ZFP64: variants seen among roughly 807,000 people sequenced by gnomAD.
The protein encoded by ZFP64 is ZFP64 zinc finger protein, also known as zinc finger protein 64.
In ZFP64, 14 loss-of-function variants were observed where a neutral mutation model predicts 51.6. The observed-to-expected ratio is 0.27, with a 90% CI of 0.18 to 0.42. The LOEUF (loss-of-function observed/expected upper bound fraction) is 0.42, where lower values mean the gene tolerates loss of function less well. Ranked by LOEUF, ZFP64 falls within the 10% of genes least tolerant of loss-of-function variation. ZFP64 has a pLI of 1.00. For synonymous variants in ZFP64, 375 were observed against 361.4 expected, an observed-to-expected ratio of 1.04 and a Z score of -0.43; for missense variants, 754 against 906.8, an observed-to-expected ratio of 0.83 and a Z score of 2.16.
intron 5 of ZFP64, among the ~76,000 whole-genome samples, chr20:52,132,697 G>A (rs1170191822): frequency 1.3e-5 from 2 of 152,168 alleles, no homozygotes; most frequent in South Asian, 2.1e-4. Flanking sequence ...AACAAGTAAC[G>A]AGATCAAAAC....
At chr20:52,165,223 T>A in intron 3 of ZFP64, 1 of 456,676 alleles carries the variant, frequency 2.2e-6, no homozygotes, top group Non-Finnish European at 4.4e-6. Context: ...CTAAGGTCAG[T>A]AGGTTAGATA....
intron 2 of ZFP64, among the ~76,000 whole-genome samples, chr20:52,182,101 C>T (rs755587992): frequency 7.9e-5 from 12 of 152,268 alleles, no homozygotes; most frequent in African/African-American, 2.2e-4. Context: ...TGTGGATTAT[C>T]GCAGAATTCT....
rs765145592 is a variant in ZFP64, at chr20:52,153,259, G to A, written c.933C>T (p.Ser311=). The change falls in exon 6 of 6, where the codon AGC becomes AGT. Residue 311 remains serine (S), a synonymous_variant. Transcript: ENST00000216923. The surrounding 1 kb of genome is among the most constrained non-coding windows in gnomAD (Gnocchi z 5.1). ...NLKSHIRIKH[S]GNNFKCPHCD... ...AATGAGGACACTTGAAGTTATTCCC[G>A]CTGTGCTTGATACGGATGTGCGACT... 2 of 1,614,200 alleles carry A rather than the reference G, an allele frequency of 1.2e-6. No individual in the cohort carries two copies. Among genetic ancestry groups the A allele is most frequent in the Non-Finnish European group, 1.7e-6 (2 of 1,180,042 alleles).
chr20:52,123,676 T>C (rs1979303806), intron 5 of ZFP64, among the ~76,000 whole-genome samples: 1 of 152,194 alleles, frequency 6.6e-6, no homozygotes, highest in Non-Finnish European at 1.5e-5. Context: ...GCATATATTA[T>C]TTGATCACAA....
At chr20:52,140,416 C>G (rs900594966) in intron 5 of ZFP64, among the ~76,000 whole-genome samples, 9 of 152,282 alleles carry the variant, frequency 5.9e-5, no homozygotes, top group African/African-American at 1.9e-4. Context: ...AAGTGCTATT[C>G]CAGTGAACAA....
chr20:52,090,673 C>T (rs1326187503), intron 7 of ZFP64, among the ~76,000 whole-genome samples: 1 of 151,948 alleles, frequency 6.6e-6, no homozygotes, highest in East Asian at 1.9e-4. Flanking sequence ...GTGATGCACA[C>T]CTGTAATCCC....
At position 52,151,945 on chromosome 20, in the gene ZFP64, G is replaced by C; in HGVS notation, c.*201C>G. 8.2e-7 allele frequency: 1 copy of C among 1,220,702 alleles called. No individual in the cohort carries two copies. Among genetic ancestry groups the C allele is most frequent in the African/African-American group, 1.5e-5 (1 of 65,586 alleles). The allele number at this position is 1,220,702 out of a possible 1,614,324, so 75.6% of individuals were successfully genotyped here. On this transcript the variant is annotated 3_prime_UTR_variant, in exon 6 of 6. Coordinates refer to ENST00000216923, the MANE Select transcript of ZFP64 (RefSeq NM_018197.3). ...CCAGCTACTCGGAGGGCTGAGGCAT[G>C]AGAATCGCTTGAACCTGGGAGGCGG...
At chr20:52,125,322 G>C (rs966987681) in intron 5 of ZFP64, among the ~76,000 whole-genome samples, 10 of 152,156 alleles carry the variant, frequency 6.6e-5, no homozygotes, top group African/African-American at 2.2e-4. Flanking sequence ...GGAGTGGAGA[G>C]CCAGGCTCAG....
At chr20:52,120,738 G>A (rs905234840) in intron 5 of ZFP64, among the ~76,000 whole-genome samples, 13 of 134,716 alleles carry the variant, frequency 9.6e-5, no homozygotes, top group Non-Finnish European at 1.4e-4. Flanking sequence ...GTGCAGTGGC[G>A]TGATCTCGGC....
intron 2 of ZFP64, among the ~76,000 whole-genome samples, chr20:52,166,545 T>TCC (rs1982290561): frequency 6.6e-6 from 1 of 151,904 alleles, no homozygotes; most frequent in South Asian, 2.1e-4. Context: ...GCCTTGACCT[T>TCC]CCAGGCTGGA....
chr20:52,100,794 C>T (rs571650628), intron 5 of ZFP64, among the ~76,000 whole-genome samples: 6 of 152,196 alleles, frequency 3.9e-5, no homozygotes, highest in South Asian at 2.1e-4. Context: ...TCAGTTTACT[C>T]GTTTGCAAAA....
At chr20:52,186,263 A>G (rs1983954282) in intron 2 of ZFP64, among the ~76,000 whole-genome samples, 1 of 152,046 alleles carries the variant, frequency 6.6e-6, no homozygotes, top group Non-Finnish European at 1.5e-5. Context: ...TTGTGGGTAC[A>G]TTTCCTCCAG....
intron 1 of ZFP64, among the ~76,000 whole-genome samples, chr20:52,189,190 G>A (rs1179603910): frequency 1.3e-5 from 2 of 151,956 alleles, no homozygotes; most frequent in African/African-American, 4.8e-5. Flanking sequence ...CACAACAAGA[G>A]ATCAAGACTA....
At chr20:52,187,100 T>A (rs758671436) in intron 1 of ZFP64, 29 bp from the exon 2 acceptor site, 1 of 1,586,270 alleles carries the variant, frequency 6.3e-7, no homozygotes, top group Non-Finnish European at 8.6e-7. Context: ...AAGTAACGGA[T>A]TAATTCCAAA....
intron 6 of ZFP64, chr20:52,098,418 A>G: frequency 6.2e-7 from 1 of 1,613,122 alleles, no homozygotes. Context: ...GCGGCTCAGC[A>G]CGCAGGGTTT....
intron 2 of ZFP64, among the ~76,000 whole-genome samples, chr20:52,171,323 G>A (rs761648050): frequency 4.6e-5 from 7 of 152,066 alleles, no homozygotes; most frequent in South Asian, 2.1e-4. Context: ...ATTTGATGCC[G>A]GAGTCGCCAC....
intron 5 of ZFP64, among the ~76,000 whole-genome samples, chr20:52,122,338 C>T (rs1401937375): frequency 6.6e-6 from 1 of 151,992 alleles, no homozygotes; most frequent in East Asian, 1.9e-4. Context: ...AACCCCGTCT[C>T]TACTAAAAAT....
intron 2 of ZFP64, among the ~76,000 whole-genome samples, chr20:52,181,325 GC>G (rs1443658555): frequency 6.6e-6 from 1 of 152,102 alleles, no homozygotes; most frequent in Non-Finnish European, 1.5e-5. Flanking sequence ...GCCTTACGCA[GC>G]CAAGATTCAA....
At chr20:52,113,391 G>A (rs970337577) in intron 5 of ZFP64, among the ~76,000 whole-genome samples, 1 of 146,858 alleles carries the variant, frequency 6.8e-6, no homozygotes, top group African/African-American at 2.5e-5. Context: ...CTTATTTATT[G>A]ATCATTACCC....
Sources: allele counts gnomAD v4.1 joint callset (sites outside exome capture counted in the v4.1 genomes callset), GRCh38; gene constraint gnomAD v4.1.1; non-coding constraint Gnocchi (gnomAD v3.1); transcripts MANE v1.5; gene names NCBI Gene and HGNC (gene_info 2026-07-23, HGNC 2026-07-21).